Variants in RDX observed in about 807,000 individuals in gnomAD.
The protein encoded by RDX is radixin.
Under a neutral mutation model 83.7 loss-of-function variants are expected in RDX, and 32 were observed. The ratio of observed to expected loss-of-function variants is 0.38; its 90% confidence interval spans 0.29 to 0.51. The LOEUF is 0.51. RDX is among the 20% of genes least tolerant of loss of function. The pLI, the probability that RDX is intolerant of heterozygous loss-of-function variation, is 0.87. For missense variants in RDX, 600 were observed against 689.9 expected (o/e 0.87, Z 1.46); for synonymous variants, 229 against 222.7 (o/e 1.03, Z -0.25).
At chr11:110,203,036 A>G (rs1359041192) in intron 14 of RDX, among the ~76,000 whole-genome samples, 1 of 152,178 alleles carries the variant, frequency 6.6e-6, no homozygotes, top group African/African-American at 2.4e-5. Flanking sequence ...GAAAATCATT[A>G]TATCAAAAAG....
intron 10 of RDX, among the ~76,000 whole-genome samples, chr11:110,238,665 T>A (rs1033763785): frequency 5.3e-5 from 8 of 152,188 alleles, no homozygotes; most frequent in Non-Finnish European, 1.0e-4. Flanking sequence ...GGCTCATGCC[T>A]GTAATCCCAG....
chr11:110,213,176 G>T (rs1202836923), intron 14 of RDX, among the ~76,000 whole-genome samples: 1 of 151,884 alleles, frequency 6.6e-6, no homozygotes, highest in Non-Finnish European at 1.5e-5. Context: ...AAAATCACAA[G>T]CATTCTTATA....
chr11:110,214,915 G>A (rs1465694586), intron 14 of RDX, among the ~76,000 whole-genome samples: 60 of 146,022 alleles, frequency 4.1e-4, no homozygotes, highest in African/African-American at 1.3e-3. Context: ...TGGGTGCAGC[G>A]CACCAGCATG....
chr11:110,275,845 C>T (rs1039199031), intron 2 of RDX, among the ~76,000 whole-genome samples: 3 of 141,270 alleles, frequency 2.1e-5, no homozygotes, highest in Non-Finnish European at 3.0e-5. Context: ...TGTGCAGTGA[C>T]GTGATCTCAG....
downstream of RDX, among the ~76,000 whole-genome samples, chr11:110,226,021 G>A (rs2358238): frequency 0.4 from 58,335 of 147,266 alleles, 11,586 homozygotes; most frequent in East Asian, 0.61. Context: ...AGCCAAAATC[G>A]CATCACTGCA....
At chr11:110,281,832 C>T (rs1012977601) in intron 1 of RDX, among the ~76,000 whole-genome samples, 3 of 151,026 alleles carry the variant, frequency 2.0e-5, no homozygotes, top group Non-Finnish European at 2.9e-5. Context: ...CCAGGCCAGG[C>T]GCGATAGCTC....
chr11:110,209,640 T>G (rs975956000), intron 14 of RDX, among the ~76,000 whole-genome samples: 30 of 148,612 alleles, frequency 2.0e-4, no homozygotes, highest in African/African-American at 5.4e-4. Context: ...GCTGGAGATC[T>G]GAGAACGGGC....
At chr11:110,217,307 A>C (rs1342802859) in intron 14 of RDX, among the ~76,000 whole-genome samples, 1 of 152,206 alleles carries the variant, frequency 6.6e-6, no homozygotes, top group Non-Finnish European at 1.5e-5. Flanking sequence ...TCAACCTAGT[A>C]ATACAATTTG....
rs565964694 is a variant in RDX at position 110,266,572 on chromosome 11, A to AT, written c.97-1699dup. Reference sequence around the variant, plus strand: ...TGGTTTTTTGTGGGAGTTTTTGCTTATTTTTTTTTTTTAAAGACAGGGTCT... The same window carrying AT: ...TGGTTTTTTGTGGGAGTTTTTGCTTATTTTTTTTTTTTTAAAGACAGGGTCT... On this transcript the variant is annotated intron_variant, in intron 3 of 13. Transcript: ENST00000645495. Among the ~76,000 whole-genome samples the AT allele has an allele frequency of 7.9e-4, 115 of 145,502 alleles. 1 individual carries two copies. Among genetic ancestry groups the AT allele is most frequent in the South Asian group, 5.4e-3 (25 of 4,622 alleles).
At chr11:110,285,995 A>G (rs1243152220) in intron 1 of RDX, among the ~76,000 whole-genome samples, 3 of 152,084 alleles carry the variant, frequency 2.0e-5, no homozygotes, top group African/African-American at 7.2e-5. Flanking sequence ...TATATACCAA[A>G]TATTTGTATA....
chr11:110,264,123 A>G lies in RDX; in HGVS notation c.304T>C (p.Phe102Leu), dbSNP rs755117227. 6.2e-6 allele frequency: 10 copies of G among 1,613,950 alleles called. No individual in the cohort carries two copies. Among genetic ancestry groups the G allele is most frequent in the Admixed American group, 1.7e-5 (1 of 60,016 alleles). Residue 102 changes from phenylalanine (F) to leucine (L), a missense_variant, in exon 5 of 14, where the codon TTC becomes CTC. Coordinates refer to ENST00000645495, the MANE Select transcript of RDX (RefSeq NM_002906.4). ...ATGGCTTCTTTAACTTGCAAGAAGA[A>G]GAGTCTCTGGGTTATTTCTTGAATT... is the stretch of plus-strand genomic sequence containing the variant. Reference protein sequence around the residue: ...ELIQEITQRLFFLQVKEAILN... With the variant: ...ELIQEITQRLLFLQVKEAILN...
At chr11:110,269,975 G>T (rs1860235824) in intron 3 of RDX, among the ~76,000 whole-genome samples, 3 of 152,174 alleles carry the variant, frequency 2.0e-5, no homozygotes, top group Admixed American at 1.3e-4. Flanking sequence ...CTGGGAGGCA[G>T]AGGTTACAGT....
intron 9 of RDX, among the ~76,000 whole-genome samples, chr11:110,249,011 T>C (rs1859220980): frequency 6.6e-6 from 1 of 152,178 alleles, no homozygotes; most frequent in Admixed American, 6.5e-5. Context: ...GCCATGGGCC[T>C]GATGAGAGTG....
intron 1 of RDX, among the ~76,000 whole-genome samples, chr11:110,294,035 A>G (rs1377154340): frequency 6.6e-6 from 1 of 152,252 alleles, no homozygotes; most frequent in African/African-American, 2.4e-5. Flanking sequence ...GAGAACTGAA[A>G]GCAAAATAAA....
At chr11:110,260,776 C>T (rs1465501032) in intron 5 of RDX, among the ~76,000 whole-genome samples, 2 of 152,146 alleles carry the variant, frequency 1.3e-5, no homozygotes, top group East Asian at 3.8e-4. Context: ...TATGCACATC[C>T]TCTTGTATAC....
At chr11:110,228,391 T>C (rs1003545267), downstream of RDX, among the ~76,000 whole-genome samples, 1 of 152,020 alleles carries the variant, frequency 6.6e-6, no homozygotes, top group Non-Finnish European at 1.5e-5. Context: ...TGGTACAAAC[T>C]AAGAAAATGC....
rs1290748939 is a variant in RDX, at chr11:110,230,057, T to C, written c.*1812A>G. On this transcript the variant is annotated 3_prime_UTR_variant, in exon 14 of 14. Transcript: ENST00000645495. ...GTTTTGTCCTACAAAGTTCAAAAAA[T>C]ATATTAAACGCAACCTTTCTTTTAC... is the stretch of plus-strand genomic sequence containing the variant. 2 of 152,556 alleles carry C rather than the reference T, an allele frequency of 1.3e-5. No individual in the cohort carries two copies. Among genetic ancestry groups the C allele is most frequent in the Admixed American group, 1.3e-4 (2 of 15,270 alleles). 9.5% of individuals were successfully genotyped at this position (152,556 alleles called of 1,614,324 possible). A position where few individuals can be genotyped will look rare whatever the true frequency, so the allele number is the denominator to read the frequency against.
chr11:110,205,184 G>C (rs1863556762), intron 14 of RDX, among the ~76,000 whole-genome samples: 1 of 151,894 alleles, frequency 6.6e-6, no homozygotes, highest in Non-Finnish European at 1.5e-5. Flanking sequence ...TAGTCATCTA[G>C]ACAAAAAAAT....
intron 1 of RDX, among the ~76,000 whole-genome samples, chr11:110,287,660 A>G (rs1479477306): frequency 6.6e-6 from 1 of 152,162 alleles, no homozygotes; most frequent in Admixed American, 6.5e-5. Context: ...GTAAAGAAAT[A>G]AGGCCAAAAG....
Sources: gnomAD v4.1 joint callset for allele counts (sites outside exome capture counted in the v4.1 genomes callset) on GRCh38, gnomAD v4.1.1 for gene constraint, MANE v1.5 for transcripts, NCBI Gene and HGNC (gene_info 2026-07-23, HGNC 2026-07-21) for gene names.